KAZN: variants seen among roughly 807,000 people sequenced by gnomAD.
KAZN encodes the protein kazrin, periplakin interacting protein.
In KAZN, 40 loss-of-function variants were observed where a neutral mutation model predicts 87.4. The observed-to-expected ratio is 0.46, with a 90% CI of 0.36 to 0.60. KAZN has a LOEUF of 0.60. Among genes scored for constraint, KAZN ranks in the 20% least tolerant of loss-of-function variants. KAZN has a pLI of 0.00. For missense variants in KAZN, 898 were observed against 1,073.9 expected, an observed-to-expected ratio of 0.84 and a Z score of 2.29; for synonymous variants, 466 against 458.3, an observed-to-expected ratio of 1.02 and a Z score of -0.22.
At chr1:14,863,330 C>T (rs1451286942) in intron 1 of KAZN, among the ~76,000 whole-genome samples, 1 of 152,186 alleles carries the variant, frequency 6.6e-6, no homozygotes, top group Non-Finnish European at 1.5e-5. Context: ...CAGGCAGACC[C>T]CATCGGGGCA....
intron 2 of KAZN, among the ~76,000 whole-genome samples, chr1:14,305,130 C>T (rs12143153): frequency 0.14 from 21,699 of 151,994 alleles, 2,021 homozygotes; most frequent in Middle Eastern, 0.21. Flanking sequence ...GGTTTTGTAA[C>T]CTGGGTTGAA....
At chr1:14,122,518 A>G (rs114874134) in intron 1 of KAZN, among the ~76,000 whole-genome samples, 8 of 152,310 alleles carry the variant, frequency 5.3e-5, no homozygotes, top group African/African-American at 1.9e-4. Flanking sequence ...TAACTAGGGA[A>G]ACTGAGATTC....
At chr1:14,862,505 T>G (rs1338401843) in intron 1 of KAZN, among the ~76,000 whole-genome samples, 1 of 152,124 alleles carries the variant, frequency 6.6e-6, no homozygotes, top group Non-Finnish European at 1.5e-5. Flanking sequence ...AGTGGTGACT[T>G]TCAAACCCCC....
chr1:15,097,203 T>A (rs532036790), intron 10 of KAZN, among the ~76,000 whole-genome samples: 1 of 152,230 alleles, frequency 6.6e-6, no homozygotes, highest in East Asian at 1.9e-4. Flanking sequence ...CTTTTGACAC[T>A]TTCTCTAGAA....
At chr1:14,833,969 TCACACACACACACACACACACA>T (rs56000715) in intron 1 of KAZN, among the ~76,000 whole-genome samples, 1 of 141,866 alleles carries the variant, frequency 7.0e-6, no homozygotes, top group Non-Finnish European at 1.5e-5. Context: ...CCCAAGTCAT[TCACACACACACACACACACACA>T]CACACACACA....
intron 1 of KAZN, among the ~76,000 whole-genome samples, chr1:14,063,564 A>C (rs150639527): frequency 1.2e-3 from 179 of 152,154 alleles, no homozygotes; most frequent in African/African-American, 3.9e-3. Flanking sequence ...TAAAGTTTCA[A>C]CTCTACAGAG....
At chr1:14,463,866 C>T (rs4233527) in intron 2 of KAZN, among the ~76,000 whole-genome samples, 82,990 of 151,998 alleles carry the variant, frequency 0.55, 23,577 homozygotes, top group African/African-American at 0.71. Context: ...GTCAGAGATA[C>T]CTCCCCTGCC....
intron 4 of KAZN, among the ~76,000 whole-genome samples, chr1:15,053,510 T>C (rs1674636805): frequency 6.6e-6 from 1 of 152,212 alleles, no homozygotes; most frequent in South Asian, 2.1e-4. Context: ...ATCCTGGATG[T>C]GCTGAGCCCC....
rs12029487 is a variant in KAZN, at chr1:13,997,176, A to C, written c.91+103420A>C. ...AACAGCAAAAACAACACCATCATCAACAACAACAACAACAACAACCCCCAC... is the reference window on the plus strand; with the variant it reads ...AACAGCAAAAACAACACCATCATCACCAACAACAACAACAACAACCCCCAC... On this transcript the variant is annotated intron_variant, in intron 1 of 16. Coordinates refer to the KAZN transcript ENST00000636203. 5.5e-5 allele frequency among the ~76,000 whole-genome samples: 4 copies of C among 72,456 alleles called. No homozygotes were observed. The East Asian group carries it at 8.5e-4, about 15-fold the overall frequency. The allele number at this position is 72,456 out of a possible 152,430, so 47.5% of individuals were successfully genotyped here.
intron 1 of KAZN, among the ~76,000 whole-genome samples, chr1:14,790,240 G>T (rs760267682): frequency 6.6e-6 from 1 of 151,562 alleles, no homozygotes; most frequent in South Asian, 2.1e-4. Flanking sequence ...TTGAACTCCC[G>T]ACCTTAAGTG....
At chr1:14,212,386 C>T (rs544378581) in intron 2 of KAZN, among the ~76,000 whole-genome samples, 35 of 150,960 alleles carry the variant, frequency 2.3e-4, no homozygotes, top group African/African-American at 8.5e-4. Context: ...CACAAATTTT[C>T]TTTAAAGTTT....
Position 15,059,059 on chromosome 1 carries a change from G to C in KAZN, c.917-1113G>C, listed in dbSNP as rs1638548467. On this transcript the variant is annotated intron_variant, in intron 5 of 14. Coordinates refer to ENST00000376030, the MANE Select transcript of KAZN (RefSeq NM_201628.3). Reference sequence around the variant, plus strand: ...ATAAATAACAAGCAGAACGATGACAGATTGTAATTAGCACAAGGAGAGAAA... The same window carrying C: ...ATAAATAACAAGCAGAACGATGACACATTGTAATTAGCACAAGGAGAGAAA... 2.0e-5 allele frequency among the ~76,000 whole-genome samples: 3 copies of C among 150,422 alleles called. No individual in the cohort carries two copies. The South Asian group carries it at 6.3e-4, about 31-fold the overall frequency.
intron 2 of KAZN, among the ~76,000 whole-genome samples, chr1:14,208,436 A>T (rs1282751826): frequency 6.6e-6 from 1 of 152,174 alleles, no homozygotes; most frequent in African/African-American, 2.4e-5. Flanking sequence ...TCGTTCACTT[A>T]TTTATTTACT....
At chr1:14,784,340 C>T (rs541236121) in intron 1 of KAZN, among the ~76,000 whole-genome samples, 3 of 152,184 alleles carry the variant, frequency 2.0e-5, no homozygotes, top group Non-Finnish European at 4.4e-5. Context: ...TAACTGGAGA[C>T]TATAACCTAG....
chr1:14,057,140 G>GT (rs753158003), intron 1 of KAZN, among the ~76,000 whole-genome samples: 2,396 of 141,666 alleles, frequency 0.017, 25 homozygotes, highest in South Asian at 0.029. Flanking sequence ...TTGTTTGTTT[G>GT]TTTTTTTTTT....
chr1:14,151,537 C>G (rs1427175536), intron 1 of KAZN, among the ~76,000 whole-genome samples: 2 of 152,162 alleles, frequency 1.3e-5, no homozygotes, highest in African/African-American at 2.4e-5. Flanking sequence ...TACTGTGTCT[C>G]CAGCTCTCAT....
intron 2 of KAZN, among the ~76,000 whole-genome samples, chr1:14,205,800 C>T (rs368902210): frequency 7.0e-6 from 1 of 142,796 alleles, no homozygotes; most frequent in Non-Finnish European, 1.5e-5. Context: ...GCAGGAGAAT[C>T]GATTGAACCC....
rs191334429 is a variant in KAZN at position 14,785,026 on chromosome 1, G to A, written c.227-175658G>A. Among the ~76,000 whole-genome samples, 501 of 150,850 alleles carry A rather than the reference G, an allele frequency of 3.3e-3. 3 individuals carry two copies. The highest frequency in any genetic ancestry group is 0.011 in the African/African-American group (468 of 40,920). On this transcript the variant is annotated intron_variant, in intron 1 of 14. Transcript: ENST00000376030. ...AGATAATGCCTCGGGGGTACTTTGA[G>A]AGATTAAGATGTAAGCACGGGGGTG...
intron 8 of KAZN, among the ~76,000 whole-genome samples, chr1:15,083,067 A>G (rs1640082941): frequency 1.3e-5 from 2 of 152,194 alleles, no homozygotes; most frequent in Non-Finnish European, 2.9e-5. Context: ...TGAGGGCACC[A>G]TTTAGCCCTA....
Sources: gnomAD v4.1 joint callset for allele counts (sites outside exome capture counted in the v4.1 genomes callset) on GRCh38, gnomAD v4.1.1 for gene constraint, MANE v1.5 for transcripts, NCBI Gene and HGNC (gene_info 2026-07-23, HGNC 2026-07-21) for gene names.